Variants in PTBP3 observed in about 807,000 individuals in gnomAD.
The protein encoded by PTBP3 is polypyrimidine tract binding protein 3, also known as polypyrimidine tract-binding protein 3.
A neutral mutation model predicts 58.7 loss-of-function variants in PTBP3; 20 were observed. That is an observed-to-expected ratio of 0.34 (90% CI 0.24 to 0.50). The LOEUF (loss-of-function observed/expected upper bound fraction) is 0.50. Among genes scored for constraint, PTBP3 ranks in the 20% least tolerant of loss-of-function variants. PTBP3 has a pLI of 0.98. For missense variants in PTBP3, 509 were observed against 637.2 expected (o/e 0.80, Z 2.17); for synonymous variants, 185 against 219.8 (o/e 0.84, Z 1.40).
At chr9:112,308,368 A>ACC (rs1564452586) in intron 1 of PTBP3, among the ~76,000 whole-genome samples, 3 of 145,008 alleles carry the variant, frequency 2.1e-5, no homozygotes, top group East Asian at 1.9e-4. Context: ...AAAAAAAAAA[A>ACC]AAAAAAAAAA....
chr9:112,255,039 A>G (rs1836289892), intron 5 of PTBP3, among the ~76,000 whole-genome samples: 1 of 152,192 alleles, frequency 6.6e-6, no homozygotes, highest in Non-Finnish European at 1.5e-5. Flanking sequence ...CTCAGCCTCA[A>G]AAAGGAGAAA....
intron 7 of PTBP3, among the ~76,000 whole-genome samples, chr9:112,244,848 A>G (rs969847583): frequency 2.6e-5 from 4 of 152,114 alleles, no homozygotes; most frequent in Admixed American, 6.5e-5. Flanking sequence ...TTGGAACTCA[A>G]CAAGCTGATC....
chr9:112,232,838 A>G (rs370995091), intron 8 of PTBP3, among the ~76,000 whole-genome samples: 6 of 152,264 alleles, frequency 3.9e-5, no homozygotes, highest in African/African-American at 1.4e-4. Context: ...AAATCCTGAA[A>G]GCTCAGTAAC....
At position 112,223,822 on chromosome 9, in the gene PTBP3, C is replaced by T; in HGVS notation, c.*29G>A. 6.2e-7 allele frequency: 1 copy of T among 1,612,886 alleles called. No homozygotes were observed. ...TGAAGGTTTTACTGAAATTATGGTCCAGTTTTAGGAGAAAAATTCACAGAA... is the reference window on the plus strand; with the variant it reads ...TGAAGGTTTTACTGAAATTATGGTCTAGTTTTAGGAGAAAAATTCACAGAA... On this transcript the variant is annotated 3_prime_UTR_variant, in exon 14 of 14. Transcript: ENST00000374257.
At chr9:112,280,798 T>C (rs1004070399) in intron 2 of PTBP3, among the ~76,000 whole-genome samples, 4 of 151,718 alleles carry the variant, frequency 2.6e-5, no homozygotes, top group African/African-American at 4.8e-5. Context: ...TATATATATA[T>C]ATAGTGATTT....
At chr9:112,330,535 G>T in intron 1 of PTBP3, 1 of 1,133,408 alleles carries the variant, frequency 8.8e-7, no homozygotes, top group Non-Finnish European at 1.3e-6. Flanking sequence ...GTTTTTAAAA[G>T]ACAGAGATAG....
upstream of PTBP3, chr9:112,333,690 G>A (rs1830487637): frequency 2.2e-6 from 1 of 455,826 alleles, no homozygotes; most frequent in Non-Finnish European, 3.7e-6. Flanking sequence ...CCGCGAGCGC[G>A]TCCCCGCCTA....
intron 5 of PTBP3, among the ~76,000 whole-genome samples, chr9:112,255,588 G>A (rs527932444): frequency 4.6e-5 from 7 of 152,106 alleles, no homozygotes; most frequent in African/African-American, 1.2e-4. Context: ...ATATTTTCCC[G>A]TACTGAAAAT....
chr9:112,333,542 G>A lies in PTBP3; in HGVS notation c.-124C>T, dbSNP rs1256036704. On this transcript the variant is annotated 5_prime_UTR_variant, in exon 1 of 14. Transcript: ENST00000374257. The stretch of plus-strand genomic sequence containing the variant: ...CTAACCGCGAGCAGAGGAAGCAGGC[G>A]GCGGCAGCAGGGCGGTTCCGGGGAC... 4.6e-5 allele frequency: 71 copies of A among 1,551,864 alleles called. 1 individual carries two copies. The highest frequency in any genetic ancestry group is 6.0e-5 in the Non-Finnish European group (69 of 1,143,548).
intron 7 of PTBP3, among the ~76,000 whole-genome samples, chr9:112,239,676 A>C (rs987484219): frequency 6.6e-6 from 1 of 151,658 alleles, no homozygotes; most frequent in Non-Finnish European, 1.5e-5. Context: ...GGCTGCAGTG[A>C]GGCATGGTTG....
intron 1 of PTBP3, among the ~76,000 whole-genome samples, chr9:112,321,490 C>T (rs1277604516): frequency 6.7e-6 from 1 of 148,888 alleles, no homozygotes; most frequent in African/African-American, 2.5e-5. Context: ...GATCGCACCA[C>T]TGCACCCCAG....
At chr9:112,273,459 C>T (rs1271798468) in intron 3 of PTBP3, among the ~76,000 whole-genome samples, 1 of 152,142 alleles carries the variant, frequency 6.6e-6, no homozygotes, top group Admixed American at 6.5e-5. Flanking sequence ...ACTGTATGGG[C>T]ATATTTCTGC....
the PTBP3 span, among the ~76,000 whole-genome samples, chr9:112,377,033 T>C: frequency 6.6e-6 from 1 of 152,230 alleles, no homozygotes; most frequent in Non-Finnish European, 1.5e-5. Context: ...TAGGTAGGTA[T>C]GCAATGTTGT....
At chr9:112,270,186 C>T (rs1827312617) in intron 3 of PTBP3, among the ~76,000 whole-genome samples, 1 of 152,156 alleles carries the variant, frequency 6.6e-6, no homozygotes, top group South Asian at 2.1e-4. Context: ...AAGCGATCCA[C>T]CCCAGTCGGC....
At chr9:112,231,493 G>T in intron 9 of PTBP3, 80 bp from the exon 10 acceptor site, 2 of 1,170,648 alleles carry the variant, frequency 1.7e-6, no homozygotes, top group Non-Finnish European at 1.2e-6. Context: ...TGTAATGGCA[G>T]TTGATTTTAT....
intron 1 of PTBP3, among the ~76,000 whole-genome samples, chr9:112,309,870 G>A (rs1356530758): frequency 6.6e-6 from 1 of 152,122 alleles, no homozygotes; most frequent in Non-Finnish European, 1.5e-5. Flanking sequence ...TTCATTGCGT[G>A]GCACTACCTG....
rs1278381436 is a variant in PTBP3 at position 112,262,594 on chromosome 9, G to C, written c.357C>G (p.Ala119=). The C allele has an allele frequency of 1.9e-6, 3 of 1,594,524 alleles. No homozygotes were observed. The highest frequency in any genetic ancestry group is 1.7e-6 in the Non-Finnish European group (2 of 1,172,660). ...KTDNLPNQAR[A]QAALQAVSAV... ...CACTGACAGCCTGCAGTGCAGCTTG[G>C]GCTCGCTATAGAACAACCCAAAATG... is the stretch of plus-strand genomic sequence containing the variant. Residue 119 remains alanine, a synonymous_variant, in exon 5 of 14, where the codon GCC becomes GCG. Transcript: ENST00000374257.
intron 5 of PTBP3, among the ~76,000 whole-genome samples, chr9:112,258,198 T>C (rs1260425828): frequency 2.6e-5 from 4 of 152,200 alleles, no homozygotes; most frequent in Non-Finnish European, 5.9e-5. Context: ...TCAAAAACCA[T>C]TCCCATGTAT....
chr9:112,372,141 T>C, the PTBP3 span, among the ~76,000 whole-genome samples: 98,213 of 151,880 alleles, frequency 0.65, 32,899 homozygotes, highest in Middle Eastern at 0.77. Flanking sequence ...GGTGCAATCA[T>C]AACTTACTTC....
Sources: gnomAD v4.1 joint callset for allele counts (sites outside exome capture counted in the v4.1 genomes callset) on GRCh38, gnomAD v4.1.1 for gene constraint, MANE v1.5 for transcripts, NCBI Gene and HGNC (gene_info 2026-07-23, HGNC 2026-07-21) for gene names.